RNF170: variants seen among roughly 807,000 people sequenced by gnomAD.
The protein encoded by RNF170 is E3 ubiquitin-protein ligase RNF170.
RNF170 carries 12 observed loss-of-function variants against 32.7 expected under a neutral mutation model. That is an observed-to-expected ratio of 0.37 (90% CI 0.24 to 0.60). The LOEUF (loss-of-function observed/expected upper bound fraction) is 0.60. RNF170 is among the 20% of genes least tolerant of loss of function. The probability of loss-of-function intolerance (pLI) is 0.72; values close to 1 mark genes in which losing one functional copy is unlikely to be tolerated. For synonymous variants in RNF170, 91 were observed against 103.6 expected, an observed-to-expected ratio of 0.88 and a Z score of 0.74; for missense variants, 212 against 311.2, an observed-to-expected ratio of 0.68 and a Z score of 2.40.
chr8:42,850,698 T>C (rs1312681725), downstream of RNF170: 23 of 1,450,732 alleles, frequency 1.6e-5, no homozygotes, highest in East Asian at 7.4e-5. Flanking sequence ...TGCCTCAGAG[T>C]GCCCTGGGGT....
At chr8:42,863,404 A>G (rs1803805996) in intron 5 of RNF170, among the ~76,000 whole-genome samples, 1 of 152,082 alleles carries the variant, frequency 6.6e-6, no homozygotes, top group Admixed American at 6.6e-5. Context: ...CCGAGAGCAA[A>G]AGATGCCAAG....
At chr8:42,889,585 T>C (rs537968753) in intron 1 of RNF170, among the ~76,000 whole-genome samples, 1 of 152,276 alleles carries the variant, frequency 6.6e-6, no homozygotes, top group African/African-American at 2.4e-5. Flanking sequence ...CTGAACTGGC[T>C]GCAAGAAAAT....
chr8:42,885,172 TA>T (rs1805720777), intron 2 of RNF170, among the ~76,000 whole-genome samples: 3 of 152,084 alleles, frequency 2.0e-5, no homozygotes, highest in Admixed American at 2.0e-4. Context: ...TTTCAGTTAA[TA>T]TCATGTCCTC....
intron 1 of RNF170, 25 bp from the exon 2 acceptor site, chr8:42,887,896 G>T: frequency 6.2e-7 from 1 of 1,603,312 alleles, no homozygotes. Context: ...AACAAGATGA[G>T]AGTTACAAAT....
intron 1 of RNF170, among the ~76,000 whole-genome samples, chr8:42,894,039 T>A (rs987133726): frequency 3.3e-5 from 5 of 152,182 alleles, no homozygotes; most frequent in African/African-American, 9.7e-5. Flanking sequence ...TTCCGGGACT[T>A]CCTGGAACAA....
intron 1 of RNF170, among the ~76,000 whole-genome samples, chr8:42,892,340 A>AT (rs1307634934): frequency 6.6e-6 from 1 of 151,990 alleles, no homozygotes; most frequent in African/African-American, 2.4e-5. Context: ...TAAATGTTTT[A>AT]TTTTTTGTAG....
chr8:42,892,055 G>A (rs922866774), intron 1 of RNF170, among the ~76,000 whole-genome samples: 1 of 152,226 alleles, frequency 6.6e-6, no homozygotes, highest in Admixed American at 6.5e-5. Context: ...GTTTCCTGAC[G>A]GTGCCTACTC....
At chr8:42,884,315 C>A (rs1394342050) in intron 2 of RNF170, among the ~76,000 whole-genome samples, 1 of 152,036 alleles carries the variant, frequency 6.6e-6, no homozygotes, top group Non-Finnish European at 1.5e-5. Flanking sequence ...AACTCCTGAC[C>A]TCCAGCCATC....
At chr8:42,873,882 G>A (rs1804707722) in intron 3 of RNF170, 49 bp downstream of exon 3, 4 of 1,008,738 alleles carry the variant, frequency 4.0e-6, no homozygotes, top group Non-Finnish European at 6.3e-6. Context: ...AATTTCACAT[G>A]CAAAGGGAGC....
At chr8:42,864,079 C>T (rs1370392014) in intron 5 of RNF170, among the ~76,000 whole-genome samples, 1 of 149,852 alleles carries the variant, frequency 6.7e-6, no homozygotes, top group Non-Finnish European at 1.5e-5. Context: ...AACATTCCAC[C>T]CATGGGTAAG....
chr8:42,885,830 C>T (rs1415839915), intron 2 of RNF170, among the ~76,000 whole-genome samples: 1 of 152,122 alleles, frequency 6.6e-6, no homozygotes, highest in Non-Finnish European at 1.5e-5. Context: ...ATGATCATAG[C>T]TCACTGCAGA....
rs564712198 is a variant in RNF170 at position 42,882,757 on chromosome 8, G to T, written c.137+4971C>A. 3.3e-5 allele frequency among the ~76,000 whole-genome samples: 5 copies of T among 152,186 alleles called. No homozygotes were observed. The East Asian group carries it at 9.6e-4, about 29-fold the overall frequency. On this transcript the variant is annotated intron_variant, in intron 2 of 6. Transcript: ENST00000527424. ...AGATGGGCATAAAGTTTCTGTTAGG[G>T]AAGATTAAACACCACATGATCAGGC...
At position 42,854,909 on chromosome 8, in the gene RNF170, T is replaced by C; in HGVS notation, c.*1250A>G. ...GAATCTGAGCTGTGTGCTGCCATCC[T>C]GAGACAGTATTATAAAAATTTCTGA... On this transcript the variant is annotated 3_prime_UTR_variant, in exon 7 of 7. Transcript: ENST00000527424. 1 of 1,287,240 alleles carries C rather than the reference T, an allele frequency of 7.8e-7. No individual in the cohort carries two copies. The highest frequency in any genetic ancestry group is 1.0e-6 in the Non-Finnish European group (1 of 988,690). 79.7% of individuals were successfully genotyped at this position (1,287,240 alleles called of 1,614,324 possible). A position where few individuals can be genotyped will look rare whatever the true frequency, so the allele number is the denominator to read the frequency against.
Position 42,873,991 on chromosome 8 carries a change from G to A in RNF170, c.153C>T (p.Asn51=). The part of the protein sequence containing the change: ...VYALFRNVHQ[N]IHPENQELVR... ...CTAGCTCCTGGTTTTCTGGGTGAAT[G>A]TTTTGATGTACATTTCTGTTGAATA... is the stretch of plus-strand genomic sequence containing the variant. The change falls in exon 3 of 7, where the codon AAC becomes AAT. Residue 51 remains asparagine, a synonymous_variant. Coordinates refer to ENST00000527424, the MANE Select transcript of RNF170 (RefSeq NM_030954.4). The A allele has an allele frequency of 6.3e-7, 1 of 1,590,864 alleles. No homozygotes were observed. Among genetic ancestry groups the A allele is most frequent in the Non-Finnish European group, 8.6e-7 (1 of 1,159,140 alleles).
chr8:42,863,687 G>A (rs985300773), intron 5 of RNF170, among the ~76,000 whole-genome samples: 8 of 152,140 alleles, frequency 5.3e-5, no homozygotes, highest in Non-Finnish European at 1.2e-4. Flanking sequence ...TGATCTGCCC[G>A]CCTCAGCCTC....
At position 42,873,976 on chromosome 8, in the gene RNF170, GT is replaced by G; in HGVS notation, c.167del (p.Asn56ThrfsTer4). 6.2e-7 allele frequency: 1 copy of G among 1,601,172 alleles called. No homozygotes were observed. Among genetic ancestry groups the G allele is most frequent in the Non-Finnish European group, 8.6e-7 (1 of 1,168,468 alleles). On this transcript the variant is annotated frameshift_variant, in exon 3 of 7. Transcript: ENST00000527424. LOFTEE classifies it high-confidence loss of function. Reference protein sequence around the residue: ...RNVHQNIHPENQELVRVLREQ... With the variant: ...RNVHQNIHPEXQELVRVLREQ... ...CTCGAAGTACCCTTACTAGCTCCTG[GT>G]TTTCTGGGTGAATGTTTTGATGTAC...
intron 2 of RNF170, among the ~76,000 whole-genome samples, chr8:42,883,194 A>C (rs1190768839): frequency 6.6e-6 from 1 of 152,164 alleles, no homozygotes; most frequent in Admixed American, 6.5e-5. Flanking sequence ...CTACCTATTG[A>C]GTACAGTGTT....
Position 42,861,817 on chromosome 8 carries a change from C to G in RNF170, c.435G>C (p.Gln145His). The part of the protein sequence containing the change: ...LLLTVFGEDD[Q>H]SQDVLRLHQD... ...GATGCAATCTCAGAACATCCTGAGA[C>G]TGATCATCTTCACCAAATACTGTTA... Residue 145 changes from glutamine (Q) to histidine (H), a missense_variant, in exon 6 of 7, where the codon CAG becomes CAC. By Grantham distance (24) the Gln-to-His change is conservative. Coordinates refer to ENST00000527424, the MANE Select transcript of RNF170 (RefSeq NM_030954.4). 6.2e-7 allele frequency: 1 copy of G among 1,613,830 alleles called. No individual in the cohort carries two copies. Among genetic ancestry groups the G allele is most frequent in the South Asian group, 1.1e-5 (1 of 91,074 alleles).
At chr8:42,869,061 C>T (rs1305088495) in intron 4 of RNF170, among the ~76,000 whole-genome samples, 1 of 152,106 alleles carries the variant, frequency 6.6e-6, no homozygotes, top group Non-Finnish European at 1.5e-5. Flanking sequence ...CACATGTGAG[C>T]TATTGCGCCT....
Sources: allele counts gnomAD v4.1 joint callset (sites outside exome capture counted in the v4.1 genomes callset), GRCh38; gene constraint gnomAD v4.1.1; transcripts MANE v1.5; gene names NCBI Gene and HGNC (gene_info 2026-07-23, HGNC 2026-07-21).